ECT2L: variants seen among roughly 807,000 people sequenced by gnomAD.
ECT2L encodes the protein epithelial cell-transforming sequence 2 oncogene-like.
A neutral mutation model predicts 122.8 loss-of-function variants in ECT2L; 126 were observed. The observed-to-expected ratio is 1.03, with a 90% CI of 0.89 to 1.19. The LOEUF (loss-of-function observed/expected upper bound fraction) is 1.19. Ranked by LOEUF, ECT2L falls within the 50% of genes most tolerant of loss-of-function variation. The pLI, the probability that ECT2L is intolerant of heterozygous loss-of-function variation, is 0.00. For missense variants in ECT2L, 1,012 were observed against 1,064.1 expected (o/e 0.95, Z 0.68); for synonymous variants, 385 against 381.8 (o/e 1.01, Z -0.10).
At chr6:138,811,089 G>C (rs1035591672) in intron 1 of ECT2L, among the ~76,000 whole-genome samples, 1 of 152,216 alleles carries the variant, frequency 6.6e-6, no homozygotes, top group African/African-American at 2.4e-5. Flanking sequence ...TATAGCAAAA[G>C]TGATAGGATG....
chr6:138,887,197 G>A (rs973821929), intron 19 of ECT2L, among the ~76,000 whole-genome samples: 3 of 151,144 alleles, frequency 2.0e-5, no homozygotes, highest in African/African-American at 7.3e-5. Context: ...TGAGGAAAGG[G>A]GCCATGTGTT....
In ECT2L at chr6:138,885,563, GT is replaced by G; in HGVS notation, c.2088del (p.Thr697ProfsTer4). The stretch of plus-strand genomic sequence containing the variant: ...CCTGAAGAGGCATGATAAGACCATT[GT>G]TACCAAAATGCTGAGGTACGTTCTG... ...TFLKRHDKTI[V>X]TKMLSLPELL... is the part of the protein sequence containing the mutation. On this transcript the variant is annotated frameshift_variant, in exon 17 of 22. Transcript: ENST00000541398. LOFTEE classifies it high-confidence loss of function. 6.2e-7 allele frequency: 1 copy of G among 1,614,178 alleles called. No homozygotes were observed. Among genetic ancestry groups the G allele is most frequent in the Non-Finnish European group, 8.5e-7 (1 of 1,180,034 alleles).
intron 4 of ECT2L, among the ~76,000 whole-genome samples, chr6:138,816,741 T>A (rs111632089): frequency 6.6e-6 from 1 of 152,308 alleles, no homozygotes; most frequent in African/African-American, 2.4e-5. Context: ...TGCCTCGGCC[T>A]CCCAAAGTGC....
intron 13 of ECT2L, among the ~76,000 whole-genome samples, chr6:138,873,686 C>T (rs1262622213): frequency 6.6e-6 from 1 of 152,036 alleles, no homozygotes; most frequent in East Asian, 1.9e-4. Flanking sequence ...CCCAGCTACT[C>T]GGGAGTCTGA....
intron 20 of ECT2L, among the ~76,000 whole-genome samples, chr6:138,892,589 G>T (rs1779067355): frequency 6.6e-6 from 1 of 152,110 alleles, no homozygotes; most frequent in South Asian, 2.1e-4. Flanking sequence ...TGCCTCCTGG[G>T]TTCCAGCAAT....
At chr6:138,873,097 T>C (rs757103970) in intron 13 of ECT2L, among the ~76,000 whole-genome samples, 23 of 152,218 alleles carry the variant, frequency 1.5e-4, no homozygotes, top group Non-Finnish European at 2.9e-4. Context: ...CAGCTCATTA[T>C]GTTCATAAAA....
chr6:138,861,357 T>C (rs910353390), intron 10 of ECT2L, among the ~76,000 whole-genome samples: 1 of 152,184 alleles, frequency 6.6e-6, no homozygotes, highest in East Asian at 1.9e-4. Context: ...AATGGAAAAG[T>C]ATTCCTATTT....
At chr6:138,890,936 C>G (rs971533388) in intron 20 of ECT2L, among the ~76,000 whole-genome samples, 1 of 151,966 alleles carries the variant, frequency 6.6e-6, no homozygotes, top group African/African-American at 2.4e-5. Flanking sequence ...AATTTTTATC[C>G]TTTTTCCTCT....
intron 18 of ECT2L, 151 bp from the exon 19 acceptor site, chr6:138,886,706 C>A (rs1778834186): frequency 3.1e-6 from 2 of 636,102 alleles, no homozygotes; most frequent in African/African-American, 3.6e-5. Context: ...ACGAAAGTCA[C>A]TACACCCGGC....
intron 10 of ECT2L, among the ~76,000 whole-genome samples, chr6:138,858,183 A>AC (rs1292177625): frequency 3.3e-5 from 5 of 152,204 alleles, no homozygotes; most frequent in Admixed American, 6.5e-5. Context: ...TATGCTGAGG[A>AC]CCCCAAATTT....
intron 9 of ECT2L, among the ~76,000 whole-genome samples, chr6:138,850,115 G>C (rs1037427043): frequency 6.6e-6 from 1 of 150,910 alleles, no homozygotes. Flanking sequence ...TCTTATAGGA[G>C]AGTCACACAG....
intron 9 of ECT2L, among the ~76,000 whole-genome samples, chr6:138,850,666 A>G (rs1252232405): frequency 6.6e-6 from 1 of 152,182 alleles, no homozygotes; most frequent in Non-Finnish European, 1.5e-5. Flanking sequence ...ATACCCAGAA[A>G]TGGGATTGAT....
chr6:138,833,887 TA>T, intron 4 of ECT2L, among the ~76,000 whole-genome samples: 1 of 151,932 alleles, frequency 6.6e-6, no homozygotes, highest in East Asian at 1.9e-4. Context: ...GACCAAGCCA[TA>T]AAAGTGTTTG....
intron 4 of ECT2L, among the ~76,000 whole-genome samples, chr6:138,833,631 T>C (rs1326738416): frequency 1.3e-5 from 2 of 151,964 alleles, no homozygotes; most frequent in Non-Finnish European, 2.9e-5. Context: ...GACGAAACCC[T>C]GTCTTCACTA....
At chr6:138,853,373 A>T (rs1308436221) in intron 9 of ECT2L, among the ~76,000 whole-genome samples, 1 of 152,240 alleles carries the variant, frequency 6.6e-6, no homozygotes, top group Admixed American at 6.5e-5. Context: ...TAAAAACAAC[A>T]TCAAAACAAA....
chr6:138,876,098 G>A (rs1043943359), intron 13 of ECT2L, among the ~76,000 whole-genome samples: 12 of 151,588 alleles, frequency 7.9e-5, no homozygotes, highest in South Asian at 2.1e-4. Context: ...CAGCCTGGGC[G>A]AGAGTGAGAC....
intron 20 of ECT2L, among the ~76,000 whole-genome samples, chr6:138,896,445 C>T (rs1562498452): frequency 2.0e-5 from 3 of 152,194 alleles, no homozygotes; most frequent in South Asian, 4.1e-4. Flanking sequence ...AAGGGATCTA[C>T]AGTCACTTAG....
rs139443258 is a variant in ECT2L, at chr6:138,879,757, A to G, written c.1666-1200A>G. ...ATCACAAGGTCAAGAGATCGAGAAC[A>G]TTCTGGCCAACATGGTGAAACCCCG... is the stretch of plus-strand genomic sequence containing the variant. On this transcript the variant is annotated intron_variant, in intron 14 of 21. Transcript: ENST00000541398. Among the ~76,000 whole-genome samples the G allele has an allele frequency of 7.0e-3, 1,073 of 152,226 alleles. 7 individuals are homozygous for G. Among genetic ancestry groups the G allele is most frequent in the Non-Finnish European group, 0.011 (756 of 68,024 alleles).
intron 10 of ECT2L, among the ~76,000 whole-genome samples, chr6:138,856,334 G>C (rs1336510687): frequency 1.3e-5 from 2 of 152,196 alleles, no homozygotes; most frequent in Non-Finnish European, 2.9e-5. Context: ...TTCTGCCTCA[G>C]CCTCCAAGTA....
Sources: gnomAD v4.1 joint callset for allele counts (sites outside exome capture counted in the v4.1 genomes callset) on GRCh38, gnomAD v4.1.1 for gene constraint, MANE v1.5 for transcripts, NCBI Gene and HGNC (gene_info 2026-07-23, HGNC 2026-07-21) for gene names.